The following KCNT1 variants were observed in gnomAD, a reference collection of about 807,000 sequenced individuals.
KCNT1 encodes the protein potassium channel subfamily T member 1.
A neutral mutation model predicts 147.8 loss-of-function variants in KCNT1; 78 were observed. The observed-to-expected ratio is 0.53, with a 90% confidence interval of 0.44 to 0.64. KCNT1 has a LOEUF of 0.64. Among genes scored for constraint, KCNT1 ranks in the 30% least tolerant of loss-of-function variants. KCNT1 has a pLI of 0.00. For synonymous variants in KCNT1, 867 were observed against 748.8 expected (o/e 1.16, Z -2.58); for missense variants, 1,419 against 1,750.3 (o/e 0.81, Z 3.38).
At chr9:135,770,094 GGGGCCGGCGCAGGGAGACAACGCA>G in intron 16 of KCNT1, 39 bp downstream of exon 16, 2 of 1,513,086 alleles carry the variant, frequency 1.3e-6, no homozygotes, top group Admixed American at 2.0e-5. Context: ...CCTCCATGGC[GGGGCCGGCGCAGGGAGACAACGCA>G]GGGCCTGCTT....
rs542821852 is a variant in KCNT1, at chr9:135,786,574, G to A, written c.3502+53G>A. The stretch of plus-strand genomic sequence containing the variant: ...CGGACGGACGGACTGGGCCAGGGTC[G>A]GGCCACAGCCAAGAACAGTCGGCCA... On this transcript the variant is annotated intron_variant, in intron 29 of 30. Transcript: ENST00000371757. The A allele has an allele frequency of 3.4e-5, 50 of 1,482,384 alleles. 1 individual carries two copies. The Admixed American group carries it at 9.0e-4, about 27-fold the overall frequency. The allele number at this position is 1,482,384 out of a possible 1,614,324, so 91.8% of individuals were successfully genotyped here. A position where few individuals can be genotyped will look rare whatever the true frequency, so the allele number is the denominator to read the frequency against.
At chr9:135,786,141 G>T (rs570227959) in intron 28 of KCNT1, 56 bp from the exon 29 acceptor site, 14 of 1,520,410 alleles carry the variant, frequency 9.2e-6, no homozygotes, top group African/African-American at 8.4e-5. Context: ...CCCAAAGCCC[G>T]CGACCCTCCC....
At chr9:135,751,644 C>T (rs910635042) in intron 4 of KCNT1, among the ~76,000 whole-genome samples, 1 of 152,202 alleles carries the variant, frequency 6.6e-6, no homozygotes, top group Non-Finnish European at 1.5e-5. Context: ...GTTGCTGCTT[C>T]GAGAAGTGGC....
intron 2 of KCNT1, among the ~76,000 whole-genome samples, chr9:135,722,524 A>T (rs553367348): frequency 1.4e-4 from 22 of 152,338 alleles, no homozygotes; most frequent in Admixed American, 3.9e-4. Context: ...CGGCGCGTCC[A>T]GCTGAAATGG....
At chr9:135,790,424 G>C (rs1834405987) in intron 29 of KCNT1, 3 of 152,286 alleles carry the variant, frequency 2.0e-5, no homozygotes, top group Admixed American at 2.0e-4. Context: ...CAGGTGTCAG[G>C]CCGTCCCATC....
At chr9:135,762,955 C>T (rs898185682) in intron 11 of KCNT1, among the ~76,000 whole-genome samples, 3 of 152,368 alleles carry the variant, frequency 2.0e-5, no homozygotes, top group East Asian at 3.9e-4. Flanking sequence ...GCTCGAGCTC[C>T]GTGTCCACAG....
chr9:135,784,671 G>T lies in KCNT1; in HGVS notation c.3027+53G>T, dbSNP rs549995573. 4.3e-6 allele frequency: 7 copies of T among 1,609,582 alleles called. No homozygotes were observed. The Admixed American group carries it at 1.0e-4, about 23-fold the overall frequency. ...GGGGCGTGCTGGGCTGTCCAAGTGG[G>T]TGGATGGGCACCTGCCCCTGATTCA... On this transcript the variant is annotated intron_variant, in intron 26 of 30. Coordinates refer to ENST00000371757, the MANE Select transcript of KCNT1 (RefSeq NM_020822.3).
chr9:135,765,319 G>A (rs748357624), intron 12 of KCNT1, 124 bp downstream of exon 12: 14 of 924,740 alleles, frequency 1.5e-5, no homozygotes, highest in East Asian at 2.4e-5. Context: ...CTTCAGTGAG[G>A]GCAGATGCCT....
At chr9:135,772,092 G>GGGGGC (rs1832800166) in intron 18 of KCNT1, among the ~76,000 whole-genome samples, 1 of 152,188 alleles carries the variant, frequency 6.6e-6, no homozygotes, top group Non-Finnish European at 1.5e-5. Context: ...AGCTCACTCG[G>GGGGGC]GGGGCCGGGC....
At chr9:135,720,543 A>G (rs1366289150) in intron 2 of KCNT1, among the ~76,000 whole-genome samples, 1 of 146,102 alleles carries the variant, frequency 6.8e-6, no homozygotes, top group Non-Finnish European at 1.5e-5. Flanking sequence ...CACCCCCATC[A>G]TCCTGCCCCC....
chr9:135,758,369 G>T (rs1409816581), intron 9 of KCNT1, 45 bp from the exon 10 acceptor site: 2 of 1,415,950 alleles, frequency 1.4e-6, no homozygotes, highest in South Asian at 1.1e-5. Flanking sequence ...GCTCCTGGCG[G>T]GGTCCACAGT....
rs374140169 is a variant in KCNT1, at chr9:135,710,685, G to A, written c.111-3892G>A. On this transcript the variant is annotated intron_variant, in intron 1 of 30. Coordinates refer to ENST00000371757, the MANE Select transcript of KCNT1 (RefSeq NM_020822.3). ...CTGCTGTGGCTGGACATTGGTGCTG[G>A]CAGCAGAAGACGAGGGCCCTCTCTG... Among the ~76,000 whole-genome samples the A allele has an allele frequency of 2.0e-5, 3 of 152,302 alleles. No homozygotes were observed. The South Asian group carries it at 6.2e-4, about 32-fold the overall frequency.
At chr9:135,721,709 C>T (rs2131342250) in intron 2 of KCNT1, among the ~76,000 whole-genome samples, 1 of 152,374 alleles carries the variant, frequency 6.6e-6, no homozygotes, top group South Asian at 2.1e-4. Context: ...ATGTGCTTTA[C>T]GGTGTCCTGA....
intron 20 of KCNT1, among the ~76,000 whole-genome samples, chr9:135,775,942 C>T (rs1674709644): frequency 6.6e-6 from 1 of 152,030 alleles, no homozygotes; most frequent in Non-Finnish European, 1.5e-5. Flanking sequence ...CCTGGGGTCT[C>T]TTGACCTTAA....
In KCNT1 at chr9:135,752,048, G is replaced by A. The variant is rs370753245; in HGVS notation, c.434+1007G>A. On this transcript the variant is annotated intron_variant, in intron 4 of 30. Coordinates refer to ENST00000371757, the MANE Select transcript of KCNT1 (RefSeq NM_020822.3). The surrounding 1 kb of genome is among the most constrained non-coding windows in gnomAD (Gnocchi z 5.1). ...ATTGGGCCCTGACTTTTTCATACCCGTAGATTTCCTCAAATGTCTGGTGCC... is the reference window on the plus strand; with the variant it reads ...ATTGGGCCCTGACTTTTTCATACCCATAGATTTCCTCAAATGTCTGGTGCC... 3.3e-5 allele frequency: 7 copies of A among 208,984 alleles called. No individual in the cohort carries two copies. Among genetic ancestry groups the A allele is most frequent in the South Asian group, 7.2e-5 (1 of 13,952 alleles). The allele number at this position is 208,984 out of a possible 1,614,324, so 12.9% of individuals were successfully genotyped here.
intron 25 of KCNT1, 51 bp from the exon 26 acceptor site, chr9:135,784,484 T>TGCCAAC: frequency 1.7e-5 from 1 of 57,652 alleles, no homozygotes. Context: ...TCACTGTGGC[T>TGCCAAC]CCCTCCCTCC....
intron 2 of KCNT1, among the ~76,000 whole-genome samples, chr9:135,720,564 C>T (rs1835885683): frequency 6.6e-6 from 1 of 152,082 alleles, no homozygotes; most frequent in South Asian, 2.1e-4. Context: ...ACACACCAGC[C>T]TGGCCCCTGC....
In KCNT1 at chr9:135,730,569, G is replaced by T. The variant is rs988467980; in HGVS notation, c.254+15849G>T. Among the ~76,000 whole-genome samples, 1 of 152,190 alleles carries T rather than the reference G, an allele frequency of 6.6e-6. No individual in the cohort carries two copies. Among genetic ancestry groups the T allele is most frequent in the African/African-American group, 2.4e-5 (1 of 41,450 alleles). ...ATGGGAGGAGGGGCCCAGCCGGGGA[G>T]GGTGGTGGTCACCGGAAGCTGGAAG... On this transcript the variant is annotated intron_variant, in intron 2 of 30. Coordinates refer to ENST00000371757, the MANE Select transcript of KCNT1 (RefSeq NM_020822.3). This position sits in a 1 kb window ranked among gnomAD's most constrained non-coding sequence, Gnocchi z 4.7.
At position 135,702,374 on chromosome 9, in the gene KCNT1, G is replaced by C; in HGVS notation, c.110+6G>C. The C allele has an allele frequency of 1.2e-6, 2 of 1,607,240 alleles. No homozygotes were observed. Among genetic ancestry groups the C allele is most frequent in the African/African-American group, 1.3e-5 (1 of 74,734 alleles). Reference sequence around the variant, plus strand: ...GACGGCCAATGCGCCCCCAGGTACAGTCTGCTGCGCCCTCCCCACGCGGGG... The same window carrying C: ...GACGGCCAATGCGCCCCCAGGTACACTCTGCTGCGCCCTCCCCACGCGGGG... On this transcript the variant is annotated splice_donor_region_variant and intron_variant, in intron 1 of 30. Transcript: ENST00000371757.
Sources: allele counts gnomAD v4.1 joint callset (sites outside exome capture counted in the v4.1 genomes callset), GRCh38; gene constraint gnomAD v4.1.1; non-coding constraint Gnocchi (gnomAD v3.1); transcripts MANE v1.5; gene names NCBI Gene and HGNC (gene_info 2026-07-23, HGNC 2026-07-21).